DNM2: variants seen among roughly 807,000 people sequenced by gnomAD.
The protein encoded by DNM2 is dynamin 2, also known as dynamin-2.
Under a neutral mutation model 99.0 loss-of-function variants are expected in DNM2, and 15 were observed. The observed-to-expected ratio is 0.15, with a 90% CI of 0.10 to 0.23. The LOEUF is 0.23. DNM2 is among the 10% of genes least tolerant of loss of function. The probability of loss-of-function intolerance (pLI) is 1.00; values close to 1 mark genes in which losing one functional copy is unlikely to be tolerated. For missense variants in DNM2, 742 were observed against 1,189.4 expected (o/e 0.62, Z 5.53); for synonymous variants, 525 against 481.2 (o/e 1.09, Z -1.19).
Position 10,820,586 on chromosome 19 carries a change from C to T in DNM2, c.1781+497C>T, listed in dbSNP as rs536611137. Among the ~76,000 whole-genome samples, 19 of 152,224 alleles carry T rather than the reference C, an allele frequency of 1.2e-4. No homozygotes were observed. Among genetic ancestry groups the T allele is most frequent in the African/African-American group, 3.6e-4 (15 of 41,458 alleles). On this transcript the variant is annotated intron_variant, in intron 16 of 20. Transcript: ENST00000389253. This position sits in a 1 kb window ranked among gnomAD's most constrained non-coding sequence, Gnocchi z 4.3. ...AAGGCACCAATTGTGACCCTGAGTA[C>T]GTGGGCCTGAGCTCCTGCACTGCCC...
intron 7 of DNM2, among the ~76,000 whole-genome samples, chr19:10,790,150 A>C (rs1209660357): frequency 6.6e-6 from 1 of 152,218 alleles, no homozygotes; most frequent in East Asian, 1.9e-4. Context: ...AACGGGAATT[A>C]CGGTAATAGA....
intron 1 of DNM2, among the ~76,000 whole-genome samples, chr19:10,757,672 C>T (rs890334826): frequency 5.3e-5 from 8 of 152,094 alleles, no homozygotes; most frequent in South Asian, 2.1e-4. Context: ...TGGCCAGGCA[C>T]GGTGGCTCAC....
In DNM2 at chr19:10,788,145, A is replaced by G. The variant is rs561134406; in HGVS notation, c.992+1439A>G. On this transcript the variant is annotated intron_variant, in intron 7 of 20. Transcript: ENST00000389253. The stretch of plus-strand genomic sequence containing the variant: ...CTACTCGGGAGACTGAGGCAAGAGA[A>G]TCGCTTGAAGCCAAGAGGCAGAGGT... Among the ~76,000 whole-genome samples the G allele has an allele frequency of 2.6e-5, 4 of 152,140 alleles. No individual in the cohort carries two copies. In the East Asian group the frequency reaches 7.7e-4, roughly 29 times the overall value.
rs774073781 is a variant in DNM2, at chr19:10,759,858, G to A, written c.235+47G>A. 3.7e-6 allele frequency: 6 copies of A among 1,612,764 alleles called. No individual in the cohort carries two copies. The African/African-American group carries it at 6.7e-5, about 18-fold the overall frequency. ...TTCAGCAGGAAGTGGATGTGGATGT[G>A]TGGTTGCCAGGAGTTGCTGGGGGCG... On this transcript the variant is annotated intron_variant, in intron 2 of 20. Coordinates refer to ENST00000389253, the MANE Select transcript of DNM2 (RefSeq NM_001005361.3).
chr19:10,738,132 C>G (rs147901712), intron 1 of DNM2, among the ~76,000 whole-genome samples: 208 of 152,136 alleles, frequency 1.4e-3, no homozygotes, highest in African/African-American at 4.9e-3. Context: ...GTGGCTCATG[C>G]TTGTAATCCC....
chr19:10,784,819 A>ATTTTTTTTTTTTTTTTTTTTTTTTTTTT (rs35575438), intron 6 of DNM2, among the ~76,000 whole-genome samples: 1 of 99,464 alleles, frequency 1.0e-5, no homozygotes, highest in Non-Finnish European at 1.9e-5. Flanking sequence ...TTTTTTGATG[A>ATTTTTTTTTTTTTTTTTTTTTTTTTTTT]TTTTTTTTTT....
At chr19:10,784,885 A>G (rs1408692719) in intron 6 of DNM2, among the ~76,000 whole-genome samples, 3 of 125,760 alleles carry the variant, frequency 2.4e-5, no homozygotes, top group Non-Finnish European at 4.7e-5. Context: ...GTGCAGTGGC[A>G]TGATCTCAGC....
intron 16 of DNM2, among the ~76,000 whole-genome samples, chr19:10,821,227 G>T (rs567795641): frequency 6.6e-5 from 10 of 152,224 alleles, no homozygotes; most frequent in Admixed American, 6.5e-4. Context: ...GCTCTTCTAG[G>T]CTTGCCCCTG....
chr19:10,728,262 G>A (rs569716404), intron 1 of DNM2, among the ~76,000 whole-genome samples: 20 of 152,320 alleles, frequency 1.3e-4, no homozygotes, highest in South Asian at 2.1e-4. Context: ...CTGCCCAGGG[G>A]TGGCAGCTGC....
chr19:10,807,496 T>C (rs1599593026), intron 13 of DNM2, among the ~76,000 whole-genome samples: 1 of 125,178 alleles, frequency 8.0e-6, no homozygotes, highest in East Asian at 2.7e-4. Flanking sequence ...CGCCTCGGCC[T>C]CCCAAAGTGC....
Position 10,808,156 on chromosome 19 carries a change from A to G in DNM2, c.1546-413A>G, listed in dbSNP as rs570357829. On this transcript the variant is annotated intron_variant, in intron 13 of 20. Coordinates refer to ENST00000389253, the MANE Select transcript of DNM2 (RefSeq NM_001005361.3). ...AGACTCCATATCAGGAAAAAAAAAA[A>G]GAAAGAAAGAAAAGGAAACCATAAT... 3.3e-5 allele frequency among the ~76,000 whole-genome samples: 5 copies of G among 151,460 alleles called. No homozygotes were observed. The South Asian group carries it at 1.0e-3, about 32-fold the overall frequency.
intron 1 of DNM2, among the ~76,000 whole-genome samples, chr19:10,735,140 T>G (rs11880236): frequency 0.1 from 15,882 of 152,076 alleles, 1,287 homozygotes; most frequent in East Asian, 0.37. Flanking sequence ...GCCTCCTGGG[T>G]TCACGCCATT....
chr19:10,826,898 G>A (rs747874040), intron 18 of DNM2, among the ~76,000 whole-genome samples: 2 of 152,030 alleles, frequency 1.3e-5, no homozygotes, highest in Non-Finnish European at 2.9e-5. Context: ...AAAAAAAAGT[G>A]TCTTGGGTTT....
chr19:10,780,665 T>C (rs1485280330), intron 5 of DNM2, among the ~76,000 whole-genome samples: 2 of 152,114 alleles, frequency 1.3e-5, no homozygotes, highest in Non-Finnish European at 1.5e-5. Flanking sequence ...TGGTGGCTCA[T>C]GCCTATAACC....
intron 18 of DNM2, 140 bp from the exon 19 acceptor site, chr19:10,828,896 G>T (rs2073239498): frequency 2.3e-5 from 20 of 861,660 alleles, no homozygotes; most frequent in Middle Eastern, 6.5e-4. Flanking sequence ...CTGTACTCCA[G>T]CCTGGGTGAC....
intron 1 of DNM2, among the ~76,000 whole-genome samples, chr19:10,728,320 G>A (rs1366970596): frequency 2.6e-5 from 4 of 152,202 alleles, no homozygotes; most frequent in Non-Finnish European, 4.4e-5. Flanking sequence ...AGGCCAGAGA[G>A]GGAGACTGGC....
At chr19:10,819,192 G>C (rs1429580610) in intron 15 of DNM2, among the ~76,000 whole-genome samples, 1 of 152,138 alleles carries the variant, frequency 6.6e-6, no homozygotes, top group Non-Finnish European at 1.5e-5. Flanking sequence ...TGGGAGGCTC[G>C]CTTGAACCCA....
chr19:10,732,703 T>C (rs913260642), intron 1 of DNM2, among the ~76,000 whole-genome samples: 12 of 151,022 alleles, frequency 7.9e-5, no homozygotes, highest in African/African-American at 2.9e-4. Context: ...TCTTGCCAGA[T>C]TTTTTATATA....
intron 1 of DNM2, among the ~76,000 whole-genome samples, chr19:10,751,765 G>A (rs1451168667): frequency 1.3e-5 from 2 of 152,276 alleles, no homozygotes; most frequent in Non-Finnish European, 2.9e-5. Flanking sequence ...CCTGAGAGCT[G>A]CGTCTCCGTC....
Sources: allele counts gnomAD v4.1 joint callset (sites outside exome capture counted in the v4.1 genomes callset), GRCh38; gene constraint gnomAD v4.1.1; non-coding constraint Gnocchi (gnomAD v3.1); transcripts MANE v1.5; gene names NCBI Gene and HGNC (gene_info 2026-07-23, HGNC 2026-07-21).